Variants in WNT16 observed in about 807,000 individuals in gnomAD.
WNT16 encodes the protein protein Wnt-16.
Under a neutral mutation model 35.4 loss-of-function variants are expected in WNT16, and 20 were observed. That is an observed-to-expected ratio of 0.56 (90% CI 0.40 to 0.82). WNT16 has a LOEUF of 0.82. Ranked by LOEUF, WNT16 falls within the 40% of genes least tolerant of loss-of-function variation. The pLI is 0.00. For missense variants in WNT16, 461 were observed against 466.0 expected, an observed-to-expected ratio of 0.99 and a Z score of 0.10; for synonymous variants, 180 against 179.2, an observed-to-expected ratio of 1.00 and a Z score of -0.03.
At chr7:121,325,399 A>G (rs746144007), upstream of WNT16, 23 of 1,600,556 alleles carry the variant, frequency 1.4e-5, no homozygotes, top group Non-Finnish European at 1.9e-5. Flanking sequence ...CAAAGCCAGA[A>G]AGATGGAAAG....
chr7:121,334,755 T>C (rs1304190980), intron 3 of WNT16, among the ~76,000 whole-genome samples: 1 of 152,118 alleles, frequency 6.6e-6, no homozygotes, highest in African/African-American at 2.4e-5. Context: ...CGAATGATGA[T>C]TGGCTAACGG....
chr7:121,328,079 C>T (rs1333735601), upstream of WNT16, among the ~76,000 whole-genome samples: 1 of 152,178 alleles, frequency 6.6e-6, no homozygotes, highest in Non-Finnish European at 1.5e-5. Flanking sequence ...AGGCACACAG[C>T]AGGTATTTAA....
chr7:121,325,598 C>T (rs7782648), upstream of WNT16: 45,640 of 891,762 alleles, frequency 0.051, 1,959 homozygotes, highest in African/African-American at 0.15. Context: ...CCCAAAGACA[C>T]GGTAATCTGA....
At chr7:121,338,128 T>C (rs758401610) in intron 3 of WNT16, among the ~76,000 whole-genome samples, 1 of 152,194 alleles carries the variant, frequency 6.6e-6, no homozygotes, top group Non-Finnish European at 1.5e-5. Context: ...CCTTTGTATG[T>C]GACTGACTTT....
At chr7:121,325,766 T>C (rs1793235681), upstream of WNT16, among the ~76,000 whole-genome samples, 1 of 151,910 alleles carries the variant, frequency 6.6e-6, no homozygotes, top group Non-Finnish European at 1.5e-5. Context: ...CTTGGCCAGG[T>C]GCCATGGATC....
chr7:121,331,722 C>G lies in WNT16; in HGVS notation c.391C>G (p.Leu131Val), dbSNP rs763538952. Residue 131 changes from leucine to valine, a missense_variant, in exon 3 of 4, where the codon CTG becomes GTG. Transcript: ENST00000222462. ...AFIYAVMAAG[L>V]VHSVTRSCSA... ...TATTTATGCTGTGATGGCTGCAGGC[C>G]TGGTGCATTCTGTGACCAGGTCATG... 1.2e-5 allele frequency: 19 copies of G among 1,614,110 alleles called. No homozygotes were observed. In the South Asian group the frequency reaches 2.1e-4, roughly 18 times the overall value.
intron 2 of WNT16, 51 bp downstream of exon 2, chr7:121,329,868 T>C (rs1336458113): frequency 3.8e-6 from 6 of 1,579,478 alleles, no homozygotes; most frequent in Non-Finnish European, 5.1e-6. Flanking sequence ...CGACAACTCC[T>C]CCACCGGTTC....
At chr7:121,328,612 G>A (rs912222600), upstream of WNT16, among the ~76,000 whole-genome samples, 2 of 151,970 alleles carry the variant, frequency 1.3e-5, no homozygotes, top group Non-Finnish European at 2.9e-5. Context: ...TGAAGGAGAA[G>A]AAAAAAAGGT....
At chr7:121,338,827 G>A (rs1224013629) in intron 3 of WNT16, 54 bp from the exon 4 acceptor site, 1 of 1,473,474 alleles carries the variant, frequency 6.8e-7, no homozygotes, top group South Asian at 1.3e-5. Context: ...TGCTTCTGTT[G>A]TTGAGTAAAA....
At position 121,341,082 on chromosome 7, in the gene WNT16, C is replaced by A. The variant is rs1326932499; in HGVS notation, c.*1737C>A. On this transcript the variant is annotated 3_prime_UTR_variant, in exon 4 of 4. Transcript: ENST00000222462. ...AATGTCTCAGATCTAATATTAAAAT[C>A]AAGACTAAGCATTTAACTGTGATTG... 1 of 151,998 alleles carries A rather than the reference C, an allele frequency of 6.6e-6. No individual in the cohort carries two copies. 9.4% of individuals were successfully genotyped at this position (151,998 alleles called of 1,614,324 possible). A position where few individuals can be genotyped will look rare whatever the true frequency, so the allele number is the denominator to read the frequency against.
chr7:121,325,388 G>A, upstream of WNT16: 1 of 1,606,176 alleles, frequency 6.2e-7, no homozygotes, highest in Non-Finnish European at 8.5e-7. Context: ...ACCACAGAGG[G>A]CAAAGCCAGA....
chr7:121,335,100 C>A (rs1297575041), intron 3 of WNT16, among the ~76,000 whole-genome samples: 2 of 152,118 alleles, frequency 1.3e-5, no homozygotes, highest in African/African-American at 2.4e-5. Flanking sequence ...ACCCATCCAA[C>A]CTCGTGTCGC....
intron 3 of WNT16, among the ~76,000 whole-genome samples, chr7:121,332,434 A>T (rs751107299): frequency 3.3e-5 from 5 of 152,216 alleles, no homozygotes; most frequent in Non-Finnish European, 5.9e-5. Context: ...ATAGATGCAC[A>T]ATGCCTGTAG....
Position 121,332,779 on chromosome 7 carries a change from A to T in WNT16, c.633+815A>T, listed in dbSNP as rs890324828. Among the ~76,000 whole-genome samples, 61 of 152,160 alleles carry T rather than the reference A, an allele frequency of 4.0e-4. 1 individual carries two copies. Among genetic ancestry groups the T allele is most frequent in the Non-Finnish European group, 8.8e-5 (6 of 67,996 alleles). ...AGCATAAAGAAGCTATAGGTATATTAAATCTATAGATATTTTAAAATATCA... is the reference window on the plus strand; with the variant it reads ...AGCATAAAGAAGCTATAGGTATATTTAATCTATAGATATTTTAAAATATCA... On this transcript the variant is annotated intron_variant, in intron 3 of 3. Transcript: ENST00000222462.
At chr7:121,338,568 T>C (rs1466729589) in intron 3 of WNT16, among the ~76,000 whole-genome samples, 3 of 152,204 alleles carry the variant, frequency 2.0e-5, no homozygotes, top group African/African-American at 7.2e-5. Context: ...GACCGGGGAT[T>C]AGAAATAGAA....
In WNT16 at chr7:121,339,057, A is replaced by G; in HGVS notation, c.810A>G (p.Arg270=). 2 of 1,614,198 alleles carry G rather than the reference A, an allele frequency of 1.2e-6. No homozygotes were observed. The highest frequency in any genetic ancestry group is 2.2e-5 in the South Asian group (2 of 91,080). Residue 270 remains arginine, a synonymous_variant, in exon 4 of 4, where the codon AGA becomes AGG. Coordinates refer to ENST00000222462, the MANE Select transcript of WNT16 (RefSeq NM_057168.2). ...AAACAAAGAGGAAAATGCGCAGGAG[A>G]GAAAAAGATCAGAGGAAAATACCAA... ...SDKTKRKMRR[R]EKDQRKIPIH...
In WNT16 at chr7:121,339,396, G is replaced by A; in HGVS notation, c.*51G>A. ...TGCCTCAGCAATATACAATGGCATTGCAACCAGAGAGGTGCCCATCCCTGT... is the reference window on the plus strand; with the variant it reads ...TGCCTCAGCAATATACAATGGCATTACAACCAGAGAGGTGCCCATCCCTGT... On this transcript the variant is annotated 3_prime_UTR_variant, in exon 4 of 4. Transcript: ENST00000222462. 6.5e-7 allele frequency: 1 copy of A among 1,533,232 alleles called. No homozygotes were observed. Among genetic ancestry groups the A allele is most frequent in the Non-Finnish European group, 8.8e-7 (1 of 1,130,690 alleles). The allele number at this position is 1,533,232 out of a possible 1,614,324, so 95.0% of individuals were successfully genotyped here.
In WNT16 at chr7:121,329,722, A is replaced by C; in HGVS notation, c.251A>C (p.Gln84Pro). 1 of 1,612,862 alleles carries C rather than the reference A, an allele frequency of 6.2e-7. No homozygotes were observed. Among genetic ancestry groups the C allele is most frequent in the East Asian group, 2.2e-5 (1 of 44,876 alleles). ...CTGGGCATTCAGGAGTGCGGGAGCC[A>C]GTTCAGACACGAGAGATGGAACTGC... ...ARLGIQECGS[Q>P]FRHERWNCMI... Residue 84 changes from glutamine to proline, a missense_variant, in exon 2 of 4, where the codon CAG (glutamine) becomes CCG (proline). Transcript: ENST00000222462.
intron 3 of WNT16, among the ~76,000 whole-genome samples, chr7:121,334,487 A>G (rs1793405993): frequency 6.6e-6 from 1 of 152,138 alleles, no homozygotes; most frequent in Non-Finnish European, 1.5e-5. Flanking sequence ...AATTTTTTCA[A>G]CATTGGCAAT....
Sources: gnomAD v4.1 joint callset for allele counts (sites outside exome capture counted in the v4.1 genomes callset) on GRCh38, gnomAD v4.1.1 for gene constraint, MANE v1.5 for transcripts, NCBI Gene and HGNC (gene_info 2026-07-23, HGNC 2026-07-21) for gene names.